The following CNTNAP5 variants were observed in gnomAD, a reference collection of about 807,000 sequenced individuals.
CNTNAP5 encodes contactin associated protein family member 5.
CNTNAP5 carries 72 observed loss-of-function variants against 150.2 expected under a neutral mutation model. The ratio of observed to expected loss-of-function variants is 0.48; its 90% CI spans 0.40 to 0.58. The LOEUF is 0.58. CNTNAP5 is among the 20% of genes least tolerant of loss of function. The pLI is 0.00. For synonymous variants in CNTNAP5, 672 were observed against 619.8 expected (o/e 1.08, Z -1.25); for missense variants, 1,636 against 1,626.2 (o/e 1.01, Z -0.10).
At chr2:124,413,161 C>T (rs2104772235) in intron 3 of CNTNAP5, among the ~76,000 whole-genome samples, 1 of 135,828 alleles carries the variant, frequency 7.4e-6, no homozygotes. Context: ...CAGAGAAATG[C>T]AAATCAAAAC....
chr2:124,505,919 T>C (rs987160521), intron 8 of CNTNAP5, among the ~76,000 whole-genome samples: 2 of 152,212 alleles, frequency 1.3e-5, no homozygotes, highest in African/African-American at 4.8e-5. Context: ...TCAACATCCA[T>C]CATGGATTAT....
At chr2:124,489,978 T>C (rs1040490947) in intron 7 of CNTNAP5, among the ~76,000 whole-genome samples, 2 of 152,122 alleles carry the variant, frequency 1.3e-5, no homozygotes, top group African/African-American at 4.8e-5. Flanking sequence ...GTCATCCAGT[T>C]GAGCACATTC....
chr2:124,782,397 C>T (rs1681471962), intron 17 of CNTNAP5, among the ~76,000 whole-genome samples: 1 of 152,110 alleles, frequency 6.6e-6, no homozygotes, highest in African/African-American at 2.4e-5. Flanking sequence ...AACTTGTCCC[C>T]ATCATTATGT....
chr2:124,696,264 G>T (rs564822236), intron 13 of CNTNAP5, among the ~76,000 whole-genome samples: 1 of 152,180 alleles, frequency 6.6e-6, no homozygotes, highest in East Asian at 1.9e-4. Context: ...TTCTTTTGCT[G>T]GTAAGTTAAA....
chr2:124,136,490 T>TATA (rs771346523), intron 1 of CNTNAP5, among the ~76,000 whole-genome samples: 27 of 152,346 alleles, frequency 1.8e-4, no homozygotes, highest in Middle Eastern at 6.8e-3. Flanking sequence ...TGACACTTAT[T>TATA]ATACATTAGC....
chr2:124,848,149 T>C (rs983413006), intron 19 of CNTNAP5, among the ~76,000 whole-genome samples: 1 of 152,184 alleles, frequency 6.6e-6, no homozygotes, highest in African/African-American at 2.4e-5. Context: ...GTTCACTTTG[T>C]AATTGAAAAT....
intron 17 of CNTNAP5, among the ~76,000 whole-genome samples, chr2:124,786,167 C>T (rs1022340511): frequency 6.6e-6 from 1 of 151,634 alleles, no homozygotes; most frequent in South Asian, 2.1e-4. Flanking sequence ...TAGGCTGAGG[C>T]AGGAGGATCG....
chr2:124,677,640 G>T (rs981526209), intron 13 of CNTNAP5, among the ~76,000 whole-genome samples: 3 of 151,982 alleles, frequency 2.0e-5, no homozygotes, highest in African/African-American at 7.2e-5. Context: ...GCTAGACACA[G>T]AGTGCTGATT....
At position 124,274,237 on chromosome 2, in the gene CNTNAP5, G is replaced by A. The variant is rs13428479; in HGVS notation, c.381+31844G>A. Among the ~76,000 whole-genome samples the A allele has an allele frequency of 2.6e-3, 397 of 152,240 alleles. 4 individuals carry two copies. The highest frequency in any genetic ancestry group is 9.0e-3 in the African/African-American group (372 of 41,530). On this transcript the variant is annotated intron_variant, in intron 3 of 23. Transcript: ENST00000682447. ...CTAGCCATAGGTCAGGTGCTGAATAGCCACATACTGGACAGCCACCTCACT... is the reference window on the plus strand; with the variant it reads ...CTAGCCATAGGTCAGGTGCTGAATAACCACATACTGGACAGCCACCTCACT...
At chr2:124,759,965 T>TTTTTA (rs1491336232) in intron 14 of CNTNAP5, among the ~76,000 whole-genome samples, 1 of 102,620 alleles carries the variant, frequency 9.7e-6, no homozygotes, top group African/African-American at 3.7e-5. Context: ...TTTTTTTTTT[T>TTTTTA]AAATCTGGAA....
intron 4 of CNTNAP5, among the ~76,000 whole-genome samples, chr2:124,424,209 T>A (rs1692188107): frequency 6.6e-6 from 1 of 152,192 alleles, no homozygotes; most frequent in Admixed American, 6.5e-5. Flanking sequence ...TCAGCTGCCC[T>A]CTTTGTTGCT....
At chr2:124,881,904 C>T (rs1345485194) in intron 21 of CNTNAP5, among the ~76,000 whole-genome samples, 1 of 151,976 alleles carries the variant, frequency 6.6e-6, no homozygotes, top group Non-Finnish European at 1.5e-5. Context: ...AGTAATGCAT[C>T]ACAGGTGGTA....
intron 1 of CNTNAP5, among the ~76,000 whole-genome samples, chr2:124,053,919 T>C (rs1016778308): frequency 6.6e-6 from 1 of 152,158 alleles, no homozygotes; most frequent in Non-Finnish European, 1.5e-5. Context: ...TTAAAGATGC[T>C]GGAAAATTCT....
At chr2:124,913,347 T>A (rs995575731) in intron 23 of CNTNAP5, among the ~76,000 whole-genome samples, 1 of 152,086 alleles carries the variant, frequency 6.6e-6, no homozygotes, top group Non-Finnish European at 1.5e-5. Context: ...CCAAGAGCCT[T>A]CCTGGCAAAG....
rs760896307 is a variant in CNTNAP5, at chr2:124,713,321, T to C, written c.2078-33908T>C. ...TCTTTCTTCTTTCTCTTTCTTTCCT[T>C]TCTTTCTTTCTTTCTTTCTTTCTTT... On this transcript the variant is annotated intron_variant, in intron 13 of 23. Coordinates refer to ENST00000682447, the MANE Select transcript of CNTNAP5 (RefSeq NM_001367498.1). Among the ~76,000 whole-genome samples, 66 of 36,238 alleles carry C rather than the reference T, an allele frequency of 1.8e-3. 2 individuals are homozygous for C. The highest frequency in any genetic ancestry group is 2.7e-3 in the Non-Finnish European group (50 of 18,318). The allele number at this position is 36,238 out of a possible 152,430, so 23.8% of individuals were successfully genotyped here.
At chr2:124,279,332 T>C (rs527739386) in intron 3 of CNTNAP5, among the ~76,000 whole-genome samples, 28 of 152,038 alleles carry the variant, frequency 1.8e-4, no homozygotes, top group African/African-American at 6.5e-4. Context: ...AAACCTCAAG[T>C]CATATGATTG....
intron 3 of CNTNAP5, among the ~76,000 whole-genome samples, chr2:124,335,301 T>A (rs534006707): frequency 6.6e-6 from 1 of 152,116 alleles, no homozygotes; most frequent in East Asian, 1.9e-4. Flanking sequence ...GAGAGCTTTG[T>A]ACATTCAGAC....
chr2:124,585,298 A>G (rs1335927705), intron 11 of CNTNAP5, among the ~76,000 whole-genome samples: 1 of 152,162 alleles, frequency 6.6e-6, no homozygotes, highest in African/African-American at 2.4e-5. Flanking sequence ...TTATGCCTGA[A>G]AGTGGGGCAC....
chr2:124,672,330 A>G (rs1237850690), intron 13 of CNTNAP5, among the ~76,000 whole-genome samples: 2 of 152,314 alleles, frequency 1.3e-5, no homozygotes, highest in Non-Finnish European at 2.9e-5. Context: ...GGCATTGGGT[A>G]TTAGAAATTC....
Sources: gnomAD v4.1 joint callset for allele counts (sites outside exome capture counted in the v4.1 genomes callset) on GRCh38, gnomAD v4.1.1 for gene constraint, MANE v1.5 for transcripts, NCBI Gene and HGNC (gene_info 2026-07-23, HGNC 2026-07-21) for gene names.